The following OSBPL6 variants were observed in gnomAD, a reference collection of about 807,000 sequenced individuals.
OSBPL6 encodes the protein oxysterol-binding protein-related protein 6.
OSBPL6 carries 49 observed loss-of-function variants against 125.8 expected under a neutral mutation model. The observed-to-expected ratio is 0.39, with a 90% CI of 0.31 to 0.49. The LOEUF is 0.49. Ranked by LOEUF, OSBPL6 falls within the 20% of genes least tolerant of loss-of-function variation. The probability of loss-of-function intolerance (pLI) is 0.88; values close to 1 mark genes in which losing one functional copy is unlikely to be tolerated. For synonymous variants in OSBPL6, 394 were observed against 391.8 expected, an observed-to-expected ratio of 1.01 and a Z score of -0.07; for missense variants, 986 against 1,135.4, an observed-to-expected ratio of 0.87 and a Z score of 1.89.
intron 20 of OSBPL6, among the ~76,000 whole-genome samples, chr2:178,387,521 T>C (rs941875429): frequency 1.3e-5 from 2 of 152,226 alleles, no homozygotes; most frequent in Non-Finnish European, 2.9e-5. Flanking sequence ...GATGAAATCC[T>C]TTTATGGTTG....
intron 1 of OSBPL6, among the ~76,000 whole-genome samples, chr2:178,243,259 G>A (rs1030552673): frequency 1.4e-4 from 21 of 152,178 alleles, no homozygotes; most frequent in African/African-American, 5.1e-4. Flanking sequence ...CTCCTTCAAA[G>A]AAGGTAGGAC....
chr2:178,262,265 A>T (rs1189334685), intron 1 of OSBPL6, among the ~76,000 whole-genome samples: 2 of 152,218 alleles, frequency 1.3e-5, no homozygotes, highest in Admixed American at 1.3e-4. Context: ...CCAGTCTCAA[A>T]ACTATGTCAG....
Position 178,266,328 on chromosome 2 carries a change from G to A in OSBPL6, c.-350-18599G>A, listed in dbSNP as rs116836015. On this transcript the variant is annotated intron_variant, in intron 1 of 24. Transcript: ENST00000190611. ...CTGTTTATTGACCTATTACAACTTAGAGTATGACTTACAGTGATTGCACCC... is the reference window on the plus strand; with the variant it reads ...CTGTTTATTGACCTATTACAACTTAAAGTATGACTTACAGTGATTGCACCC... 1.2e-3 allele frequency among the ~76,000 whole-genome samples: 190 copies of A among 152,298 alleles called. 1 individual carries two copies. The highest frequency in any genetic ancestry group is 4.0e-3 in the African/African-American group (165 of 41,562).
chr2:178,214,179 A>G (rs2089986837), intron 1 of OSBPL6, among the ~76,000 whole-genome samples: 1 of 152,220 alleles, frequency 6.6e-6, no homozygotes. Flanking sequence ...GCAGTTGGAC[A>G]GAAGCCGTGG....
intron 1 of OSBPL6, among the ~76,000 whole-genome samples, chr2:178,247,941 A>G (rs1368949372): frequency 1.3e-5 from 2 of 152,144 alleles, no homozygotes; most frequent in African/African-American, 4.8e-5. Flanking sequence ...CTCTGTCCCT[A>G]AGAATGCTGA....
At chr2:178,356,004 A>G (rs1006797735) in intron 12 of OSBPL6, among the ~76,000 whole-genome samples, 16 of 152,276 alleles carry the variant, frequency 1.1e-4, no homozygotes, top group Non-Finnish European at 2.1e-4. Context: ...TTATCTCAAT[A>G]GATGCAGAAA....
intron 13 of OSBPL6, 49 bp from the exon 14 acceptor site, chr2:178,372,077 T>C: frequency 7.2e-7 from 1 of 1,379,352 alleles, no homozygotes; most frequent in Middle Eastern, 1.8e-4. Flanking sequence ...TTCTGTTTTA[T>C]GCTTGCTTAT....
chr2:178,286,590 T>C (rs1477944200), intron 2 of OSBPL6, among the ~76,000 whole-genome samples: 1 of 152,212 alleles, frequency 6.6e-6, no homozygotes, highest in Non-Finnish European at 1.5e-5. Context: ...GGAGATCTAA[T>C]TTTCATAGTG....
intron 15 of OSBPL6, among the ~76,000 whole-genome samples, chr2:178,380,682 TAATC>T (rs1342261885): frequency 6.6e-6 from 1 of 152,112 alleles, no homozygotes; most frequent in East Asian, 1.9e-4. Context: ...AATTTTAATG[TAATC>T]ACCAGGCAGA....
intron 3 of OSBPL6, among the ~76,000 whole-genome samples, chr2:178,318,639 C>T (rs1440099721): frequency 2.0e-5 from 3 of 152,214 alleles, no homozygotes; most frequent in African/African-American, 7.2e-5. Flanking sequence ...GTTGCCTTCC[C>T]ATTAGAGAAT....
At chr2:178,210,695 C>T (rs2089807944) in intron 1 of OSBPL6, among the ~76,000 whole-genome samples, 1 of 151,954 alleles carries the variant, frequency 6.6e-6, no homozygotes, top group African/African-American at 2.4e-5. Flanking sequence ...GCCTGTAATC[C>T]CAGCTACTTG....
chr2:178,277,754 A>T (rs569047896), intron 1 of OSBPL6, among the ~76,000 whole-genome samples: 1 of 152,262 alleles, frequency 6.6e-6, no homozygotes, highest in Admixed American at 6.5e-5. Context: ...TGTCCTGTCC[A>T]CTGTTAGTTC....
intron 12 of OSBPL6, among the ~76,000 whole-genome samples, chr2:178,353,227 A>T (rs1437862103): frequency 6.6e-6 from 1 of 152,228 alleles, no homozygotes; most frequent in Non-Finnish European, 1.5e-5. Context: ...AATGGAACAA[A>T]GCTGGATGGA....
At chr2:178,203,784 G>A (rs1461654759) in intron 1 of OSBPL6, among the ~76,000 whole-genome samples, 1 of 152,188 alleles carries the variant, frequency 6.6e-6, no homozygotes, top group African/African-American at 2.4e-5. Flanking sequence ...GGACCAGATA[G>A]TGCTCAATTT....
intron 22 of OSBPL6, among the ~76,000 whole-genome samples, chr2:178,392,208 A>G (rs932572051): frequency 6.6e-6 from 1 of 152,354 alleles, no homozygotes; most frequent in Middle Eastern, 3.4e-3. Flanking sequence ...TGTATTAAAT[A>G]TATGAATCTG....
At chr2:178,298,381 A>T (rs981403488) in intron 2 of OSBPL6, among the ~76,000 whole-genome samples, 6 of 152,198 alleles carry the variant, frequency 3.9e-5, no homozygotes, top group Admixed American at 2.6e-4. Context: ...TTTGGGGCAT[A>T]TACCTAAAAG....
At chr2:178,324,010 G>A (rs1688481380) in intron 3 of OSBPL6, among the ~76,000 whole-genome samples, 167 bp from the exon 4 acceptor site, 1 of 152,194 alleles carries the variant, frequency 6.6e-6, no homozygotes, top group South Asian at 2.1e-4. Flanking sequence ...AAAATCCTGT[G>A]CCGACATATT....
At chr2:178,275,060 A>G (rs1317606692) in intron 1 of OSBPL6, among the ~76,000 whole-genome samples, 2 of 152,214 alleles carry the variant, frequency 1.3e-5, no homozygotes, top group East Asian at 3.8e-4. Flanking sequence ...TAAGAAAGAT[A>G]ACTCCGATGA....
At chr2:178,312,406 C>A (rs1687369107) in intron 3 of OSBPL6, among the ~76,000 whole-genome samples, 1 of 151,330 alleles carries the variant, frequency 6.6e-6, no homozygotes. Flanking sequence ...TGATCGCCTG[C>A]CTCGGCCTCC....
Sources: gnomAD v4.1 joint callset for allele counts (sites outside exome capture counted in the v4.1 genomes callset) on GRCh38, gnomAD v4.1.1 for gene constraint, MANE v1.5 for transcripts, NCBI Gene and HGNC (gene_info 2026-07-23, HGNC 2026-07-21) for gene names.